The following PLEKHA8 variants were observed in gnomAD, a reference collection of about 807,000 sequenced individuals.
PLEKHA8 encodes pleckstrin homology domain-containing family A member 8.
Under a neutral mutation model 68.2 loss-of-function variants are expected in PLEKHA8, and 36 were observed. The observed-to-expected ratio is 0.53, with a 90% CI of 0.40 to 0.70. The LOEUF (loss-of-function observed/expected upper bound fraction) is 0.70, where lower values mean the gene tolerates loss of function less well. PLEKHA8 is among the 30% of genes least tolerant of loss of function. The probability of loss-of-function intolerance (pLI) is 0.00; values close to 1 mark genes in which losing one functional copy is unlikely to be tolerated. For missense variants in PLEKHA8, 505 were observed against 615.4 expected (o/e 0.82, Z 1.90); for synonymous variants, 211 against 216.1 (o/e 0.98, Z 0.20).
intron 13 of PLEKHA8, among the ~76,000 whole-genome samples, chr7:30,109,080 T>G (rs892159344): frequency 3.3e-5 from 5 of 152,196 alleles, no homozygotes; most frequent in African/African-American, 9.7e-5. Context: ...ACATATCAAA[T>G]GGTAGTTTAT....
intron 13 of PLEKHA8, among the ~76,000 whole-genome samples, chr7:30,103,894 C>G (rs1337373897): frequency 6.6e-6 from 1 of 152,066 alleles, no homozygotes; most frequent in Non-Finnish European, 1.5e-5. Context: ...TGGACTTCAT[C>G]AAAACTAAAA....
chr7:30,052,407 T>G (rs925712883), intron 6 of PLEKHA8, among the ~76,000 whole-genome samples: 4 of 151,734 alleles, frequency 2.6e-5, no homozygotes, highest in African/African-American at 9.7e-5. Flanking sequence ...AACGCTGAGG[T>G]GGGAGGATTG....
rs775108253 is a variant in PLEKHA8 at position 30,054,792 on chromosome 7, A to G, written c.880A>G (p.Ser294Gly). 96 of 1,611,828 alleles carry G rather than the reference A, an allele frequency of 6.0e-5. No individual in the cohort carries two copies. Among genetic ancestry groups the G allele is most frequent in the Non-Finnish European group, 5.6e-5 (66 of 1,178,460 alleles). Residue 294 changes from serine (S) to glycine (G), a missense_variant, in exon 8 of 14, where the codon AGT (serine) becomes GGT (glycine). Ser to Gly is a moderately conservative substitution (Grantham distance 56). Coordinates refer to ENST00000449726, the MANE Select transcript of PLEKHA8 (RefSeq NM_001197026.2). ...NNLTQSGSDS[S>G]CSPECLWEEG... ...CTTGACTCAGTCTGGATCAGACTCA[A>G]GTTGCTCTCCGGAATGCCTCTGGGA...
Position 30,080,486 on chromosome 7 carries a change from G to A in PLEKHA8, c.*1699G>A. ...CTGCTGCAGATCTCTAGGATGGAGA[G>A]AATTCTCTCTTTAGTCAGAGAAGTT... is the stretch of plus-strand genomic sequence containing the variant. On this transcript the variant is annotated 3_prime_UTR_variant, in exon 14 of 14. Transcript: ENST00000449726. 1.0e-6 allele frequency: 1 copy of A among 985,338 alleles called. No homozygotes were observed. Among genetic ancestry groups the A allele is most frequent in the Non-Finnish European group, 1.2e-6 (1 of 829,898 alleles). The allele number at this position is 985,338 out of a possible 1,614,324, so 61.0% of individuals were successfully genotyped here. A position where few individuals can be genotyped will look rare whatever the true frequency, so the allele number is the denominator to read the frequency against.
In PLEKHA8 at chr7:30,028,730, C is replaced by T; in HGVS notation, c.-33C>T. On this transcript the variant is annotated 5_prime_UTR_variant, in exon 1 of 14. Coordinates refer to ENST00000449726, the MANE Select transcript of PLEKHA8 (RefSeq NM_001197026.2). Reference sequence around the variant, plus strand: ...CTTGGGGCCTGGGGCAGTGAGGGGGCCGGCGGGCGTGGGCCGAGTGGCCGC... The same window carrying T: ...CTTGGGGCCTGGGGCAGTGAGGGGGTCGGCGGGCGTGGGCCGAGTGGCCGC... 3.2e-6 allele frequency: 4 copies of T among 1,246,530 alleles called. No individual in the cohort carries two copies. Among genetic ancestry groups the T allele is most frequent in the Non-Finnish European group, 4.1e-6 (4 of 986,924 alleles). The allele number at this position is 1,246,530 out of a possible 1,614,324, so 77.2% of individuals were successfully genotyped here. A position where few individuals can be genotyped will look rare whatever the true frequency, so the allele number is the denominator to read the frequency against.
rs1208503939 is a variant in PLEKHA8 at position 30,078,791 on chromosome 7, C to G, written c.*4C>G. ...GGAATCTGATGAGGTGGTATGATGG[C>G]TGCTGGGCAGCACCTCCTAACTTCA... On this transcript the variant is annotated 3_prime_UTR_variant, in exon 14 of 14. Coordinates refer to ENST00000449726, the MANE Select transcript of PLEKHA8 (RefSeq NM_001197026.2). 1 of 1,612,204 alleles carries G rather than the reference C, an allele frequency of 6.2e-7. No individual in the cohort carries two copies. The highest frequency in any genetic ancestry group is 1.3e-5 in the African/African-American group (1 of 74,840).
chr7:30,082,402 C>T lies in PLEKHA8; in HGVS notation c.*3615C>T, dbSNP rs531055018. ...GTAGAGTATCTGGCACCACCTTAGC[C>T]CAGGGCTGCGTGCCTGATCAGTGGG... On this transcript the variant is annotated 3_prime_UTR_variant, in exon 14 of 14. Coordinates refer to ENST00000449726, the MANE Select transcript of PLEKHA8 (RefSeq NM_001197026.2). The T allele has an allele frequency of 2.5e-5, 25 of 985,408 alleles. No homozygotes were observed. In the East Asian group the frequency reaches 2.7e-3, roughly 108 times the overall value. 61.0% of individuals were successfully genotyped at this position (985,408 alleles called of 1,614,324 possible).
intron 13 of PLEKHA8, among the ~76,000 whole-genome samples, chr7:30,123,494 G>C (rs1038895244): frequency 9.2e-5 from 14 of 152,314 alleles, no homozygotes; most frequent in African/African-American, 3.1e-4. Flanking sequence ...GAGGATCCAG[G>C]CTGAGCTTTT....
At chr7:30,106,357 C>T (rs898393772) in intron 13 of PLEKHA8, among the ~76,000 whole-genome samples, 1 of 152,140 alleles carries the variant, frequency 6.6e-6, no homozygotes, top group Admixed American at 6.5e-5. Context: ...AGCCACCATG[C>T]CTGGCCATCT....
rs1180011680 is a variant in PLEKHA8, at chr7:30,082,602, A to C, written c.*3815A>C. On this transcript the variant is annotated 3_prime_UTR_variant, in exon 14 of 14. Transcript: ENST00000449726. ...CTTCTCCTTTTGGTTATTACTTTCCAAATATATTAACAAAAAGTTGATGCT... is the reference window on the plus strand; with the variant it reads ...CTTCTCCTTTTGGTTATTACTTTCCCAATATATTAACAAAAAGTTGATGCT... 1.0e-6 allele frequency: 1 copy of C among 985,100 alleles called. No homozygotes were observed. Among genetic ancestry groups the C allele is most frequent in the Non-Finnish European group, 1.2e-6 (1 of 829,726 alleles). The allele number at this position is 985,100 out of a possible 1,614,324, so 61.0% of individuals were successfully genotyped here.
At chr7:30,093,723 T>C (rs1215511476), downstream of PLEKHA8, among the ~76,000 whole-genome samples, 1 of 152,232 alleles carries the variant, frequency 6.6e-6, no homozygotes. Flanking sequence ...GCTTGGTGTT[T>C]CCATCATGAC....
chr7:30,116,344 A>T (rs1384450823), intron 13 of PLEKHA8, among the ~76,000 whole-genome samples: 1 of 151,910 alleles, frequency 6.6e-6, no homozygotes, highest in African/African-American at 2.4e-5. Context: ...GTATATATGT[A>T]CTATATAACT....
At position 30,080,041 on chromosome 7, in the gene PLEKHA8, G is replaced by A. The variant is rs1794843778; in HGVS notation, c.*1254G>A. 4.1e-6 allele frequency: 4 copies of A among 985,126 alleles called. No homozygotes were observed. In the African/African-American group the frequency reaches 5.2e-5, roughly 13 times the overall value. 61.0% of individuals were successfully genotyped at this position (985,126 alleles called of 1,614,324 possible). A position where few individuals can be genotyped will look rare whatever the true frequency, so the allele number is the denominator to read the frequency against. ...GCCAGCAGGCCTTTGCATTGCATTC[G>A]GGGACCATGACTCTGAATCTGCTTA... On this transcript the variant is annotated 3_prime_UTR_variant, in exon 14 of 14. Coordinates refer to ENST00000449726, the MANE Select transcript of PLEKHA8 (RefSeq NM_001197026.2).
At chr7:30,050,506 T>A in intron 6 of PLEKHA8, 32 bp downstream of exon 6, 3 of 1,511,284 alleles carry the variant, frequency 2.0e-6, no homozygotes, top group Non-Finnish European at 2.7e-6. Context: ...TGCTAAAAAT[T>A]AAAAAAAAAT....
intron 13 of PLEKHA8, among the ~76,000 whole-genome samples, chr7:30,103,424 T>C (rs945255459): frequency 6.6e-6 from 1 of 152,236 alleles, no homozygotes. Context: ...TTTGTAGAAA[T>C]TGGTGTGCTA....
At position 30,082,390 on chromosome 7, in the gene PLEKHA8, C is replaced by A. The variant is rs1794980942; in HGVS notation, c.*3603C>A. Reference sequence around the variant, plus strand: ...TCTAGCACATATGTAGAGTATCTGGCACCACCTTAGCCCAGGGCTGCGTGC... The same window carrying A: ...TCTAGCACATATGTAGAGTATCTGGAACCACCTTAGCCCAGGGCTGCGTGC... On this transcript the variant is annotated 3_prime_UTR_variant, in exon 14 of 14. Transcript: ENST00000449726. The A allele has an allele frequency of 1.0e-6, 1 of 985,396 alleles. No homozygotes were observed. The highest frequency in any genetic ancestry group is 1.2e-6 in the Non-Finnish European group (1 of 829,958). 61.0% of individuals were successfully genotyped at this position (985,396 alleles called of 1,614,324 possible). A position where few individuals can be genotyped will look rare whatever the true frequency, so the allele number is the denominator to read the frequency against.
intron 1 of PLEKHA8, among the ~76,000 whole-genome samples, chr7:30,031,217 G>A (rs933438996): frequency 6.6e-6 from 1 of 152,174 alleles, no homozygotes; most frequent in African/African-American, 2.4e-5. Flanking sequence ...AGTCTGGTGG[G>A]GGAAGAAAGA....
At chr7:30,086,480 G>T (rs1262993712), downstream of PLEKHA8, among the ~76,000 whole-genome samples, 1 of 152,180 alleles carries the variant, frequency 6.6e-6, no homozygotes, top group African/African-American at 2.4e-5. Context: ...TGTCCAGAGG[G>T]TGAACAGAGC....
chr7:30,126,514 A>G (rs1291002356), intron 13 of PLEKHA8, among the ~76,000 whole-genome samples: 3 of 152,216 alleles, frequency 2.0e-5, no homozygotes, highest in Non-Finnish European at 4.4e-5. Context: ...TCACTGTTCT[A>G]TAGTCTGGTT....
Sources: gnomAD v4.1 joint callset for allele counts (sites outside exome capture counted in the v4.1 genomes callset) on GRCh38, gnomAD v4.1.1 for gene constraint, MANE v1.5 for transcripts, NCBI Gene and HGNC (gene_info 2026-07-23, HGNC 2026-07-21) for gene names.